Variants in RBM25 observed in about 807,000 individuals in gnomAD.
RBM25 encodes the protein RNA-binding protein 25.
In RBM25, 19 loss-of-function variants were observed where a neutral mutation model predicts 120.7. The ratio of observed to expected loss-of-function variants is 0.16; its 90% CI spans 0.11 to 0.23. RBM25 has a LOEUF of 0.23. Among genes scored for constraint, RBM25 ranks in the 10% least tolerant of loss-of-function variants. The pLI is 1.00. For synonymous variants in RBM25, 390 were observed against 326.7 expected, an observed-to-expected ratio of 1.19 and a Z score of -2.09; for missense variants, 605 against 1,041.5, an observed-to-expected ratio of 0.58 and a Z score of 5.77.
At chr14:73,106,128 T>C (rs750982486) in intron 11 of RBM25, 47 bp downstream of exon 11, 1 of 1,587,134 alleles carries the variant, frequency 6.3e-7, no homozygotes, top group Non-Finnish European at 8.5e-7. Context: ...TATCCCTTAA[T>C]AGGTTAATCA....
intron 2 of RBM25, among the ~76,000 whole-genome samples, chr14:73,073,076 T>G (rs1287794315): frequency 6.6e-6 from 1 of 152,078 alleles, no homozygotes; most frequent in Non-Finnish European, 1.5e-5. Flanking sequence ...GCCACCATGT[T>G]CAGTTAATTA....
At chr14:73,098,194 A>G (rs1895989274) in intron 7 of RBM25, among the ~76,000 whole-genome samples, 1 of 152,196 alleles carries the variant, frequency 6.6e-6, no homozygotes, top group Non-Finnish European at 1.5e-5. Context: ...TGGTGGCGCA[A>G]TTACGGCTCA....
chr14:73,116,623 G>T (rs938719869), intron 18 of RBM25, among the ~76,000 whole-genome samples: 1 of 152,152 alleles, frequency 6.6e-6, no homozygotes, highest in Non-Finnish European at 1.5e-5. Flanking sequence ...GAAGCTTCCA[G>T]CCCCGTTTTT....
At position 73,083,564 on chromosome 14, in the gene RBM25, T is replaced by C; in HGVS notation, c.382+13T>C. On this transcript the variant is annotated intron_variant, in intron 5 of 18. Coordinates refer to ENST00000261973, the MANE Select transcript of RBM25 (RefSeq NM_021239.3). ...GGAAAGCTTCAAGGTATGTCATTTT[T>C]TTCCTTATTTGCTGAAATCACTTTA... 1 of 1,563,152 alleles carries C rather than the reference T, an allele frequency of 6.4e-7. No individual in the cohort carries two copies. The highest frequency in any genetic ancestry group is 8.6e-7 in the Non-Finnish European group (1 of 1,162,358).
intron 5 of RBM25, among the ~76,000 whole-genome samples, chr14:73,084,054 T>C (rs984852973): frequency 4.6e-5 from 7 of 152,020 alleles, no homozygotes; most frequent in Non-Finnish European, 8.8e-5. Context: ...TGCGCCACCA[T>C]GCCCGGCTAA....
intron 9 of RBM25, chr14:73,101,593 A>G (rs761067774): frequency 1.3e-5 from 2 of 151,586 alleles, no homozygotes; most frequent in Non-Finnish European, 2.9e-5. Flanking sequence ...TTTTTCATTT[A>G]CTTAGAACCA....
chr14:73,080,727 G>A (rs749868621), intron 4 of RBM25, among the ~76,000 whole-genome samples: 33 of 151,990 alleles, frequency 2.2e-4, no homozygotes, highest in Non-Finnish European at 4.0e-4. Flanking sequence ...ACAAGATGGC[G>A]AACTTGATAA....
chr14:73,097,173 A>G (rs1025878079), intron 7 of RBM25, 73 bp downstream of exon 7: 27 of 534,948 alleles, frequency 5.0e-5, no homozygotes, highest in Admixed American at 1.4e-4. Context: ...CTTTGATTAC[A>G]TGTCAGTTTT....
chr14:73,086,346 G>A (rs562099586), intron 5 of RBM25, among the ~76,000 whole-genome samples: 213 of 151,792 alleles, frequency 1.4e-3, no homozygotes, highest in Middle Eastern at 3.4e-3. Flanking sequence ...GCTGAGGCAG[G>A]AGAATCGCTT....
chr14:73,059,008 G>GC (rs974645890), intron 1 of RBM25, among the ~76,000 whole-genome samples: 4 of 151,746 alleles, frequency 2.6e-5, no homozygotes, highest in African/African-American at 4.8e-5. Flanking sequence ...AATCGTCTCT[G>GC]CCCCCCCTGG....
intron 10 of RBM25, among the ~76,000 whole-genome samples, chr14:73,103,772 T>G (rs1372064083): frequency 6.6e-6 from 1 of 152,074 alleles, no homozygotes; most frequent in Admixed American, 6.6e-5. Context: ...CAGCCTGGTT[T>G]TGAACTCCTG....
At chr14:73,108,793 A>G (rs1896243533) in intron 13 of RBM25, among the ~76,000 whole-genome samples, 2 of 152,344 alleles carry the variant, frequency 1.3e-5, no homozygotes, top group South Asian at 2.1e-4. Context: ...AGAAAGTGCC[A>G]TGAAATCAGT....
At chr14:73,117,497 C>T (rs1896460634) in intron 18 of RBM25, among the ~76,000 whole-genome samples, 1 of 152,120 alleles carries the variant, frequency 6.6e-6, no homozygotes, top group Non-Finnish European at 1.5e-5. Context: ...TCCCAAAGTG[C>T]TGGGATTACA....
At chr14:73,060,024 A>G (rs568330392) in intron 1 of RBM25, among the ~76,000 whole-genome samples, 8 of 147,698 alleles carry the variant, frequency 5.4e-5, no homozygotes, top group African/African-American at 2.0e-4. Flanking sequence ...TGACTCTGTA[A>G]TTTTTTTTTT....
intron 5 of RBM25, among the ~76,000 whole-genome samples, chr14:73,086,726 A>G (rs1294423509): frequency 1.3e-5 from 2 of 151,822 alleles, no homozygotes; most frequent in African/African-American, 4.8e-5. Context: ...TTTTTTTGAG[A>G]CAGGGTCTCT....
Position 73,087,586 on chromosome 14 carries a change from G to A in RBM25, c.383-415G>A, listed in dbSNP as rs533666157. ...AATTTTTTGTATTTTTAGTAGAGAC[G>A]GGGTTTCACTGTGTTGGCCAGAATG... On this transcript the variant is annotated intron_variant, in intron 5 of 18. Transcript: ENST00000261973. 5.9e-5 allele frequency among the ~76,000 whole-genome samples: 9 copies of A among 151,412 alleles called. No homozygotes were observed. In the East Asian group the frequency reaches 9.7e-4, roughly 16 times the overall value.
At chr14:73,067,053 T>C (rs1895153776) in intron 1 of RBM25, among the ~76,000 whole-genome samples, 1 of 151,372 alleles carries the variant, frequency 6.6e-6, no homozygotes, top group African/African-American at 2.4e-5. Flanking sequence ...GGAGGTAAAG[T>C]TTGGATACAT....
intron 4 of RBM25, 31 bp downstream of exon 4, chr14:73,077,567 AT>A (rs751779240): frequency 1.3e-6 from 2 of 1,516,042 alleles, no homozygotes; most frequent in East Asian, 2.4e-5. Flanking sequence ...TTCATTAAAA[AT>A]TTTTTTATCA....
intron 6 of RBM25, among the ~76,000 whole-genome samples, chr14:73,089,476 T>G (rs1367425420): frequency 1.3e-5 from 2 of 151,842 alleles, no homozygotes; most frequent in Non-Finnish European, 2.9e-5. Flanking sequence ...TGCCTCAGCC[T>G]CCTGAGTAGC....
Sources: gnomAD v4.1 joint callset for allele counts (sites outside exome capture counted in the v4.1 genomes callset) on GRCh38, gnomAD v4.1.1 for gene constraint, MANE v1.5 for transcripts, NCBI Gene and HGNC (gene_info 2026-07-23, HGNC 2026-07-21) for gene names.